Variants in OTC observed in about 807,000 individuals in gnomAD.
OTC encodes ornithine transcarbamylase, mitochondrial.
A neutral mutation model predicts 30.3 loss-of-function variants in OTC; 3 were observed. The ratio of observed to expected loss-of-function variants is 0.10; its 90% confidence interval spans 0.05 to 0.26. The LOEUF (loss-of-function observed/expected upper bound fraction) is 0.26. Among genes scored for constraint, OTC ranks in the 10% least tolerant of loss-of-function variants. The pLI, the probability that OTC is intolerant of heterozygous loss-of-function variation, is 1.00. For missense variants in OTC, 194 were observed against 260.3 expected, an observed-to-expected ratio of 0.75 and a Z score of 1.75; for synonymous variants, 111 against 99.7, an observed-to-expected ratio of 1.11 and a Z score of -0.67.
Position 38,416,365 on chromosome X carries a change from A to T in OTC, c.1005+4366A>T, listed in dbSNP as rs184740357. On this transcript the variant is annotated intron_variant, in intron 9 of 9. Transcript: ENST00000039007. ...AACAAAAATCACACTTTTCCTCCCC[A>T]TGAAGCTTGCTTTTGTATTTTTCAG... Among the ~76,000 whole-genome samples the T allele has an allele frequency of 2.4e-3, 262 of 111,449 alleles. 1 individual carries two copies. Among genetic ancestry groups the T allele is most frequent in the African/African-American group, 8.0e-3 (246 of 30,663 alleles).
chrX:38,405,031 G>A (rs2068509319), intron 6 of OTC, among the ~76,000 whole-genome samples: 1 of 111,410 alleles, frequency 9.0e-6, no homozygotes, highest in South Asian at 3.8e-4. Context: ...CTTTTGATGG[G>A]AAAAGCAGCC....
At chrX:38,404,950 A>G (rs753714838) in intron 6 of OTC, among the ~76,000 whole-genome samples, 1 of 111,716 alleles carries the variant, frequency 9.0e-6, no homozygotes, top group South Asian at 3.9e-4. Context: ...CTGGAGTGTA[A>G]GTTATGCCCT....
intron 4 of OTC, among the ~76,000 whole-genome samples, chrX:38,400,669 A>G (rs766107848): frequency 8.9e-6 from 1 of 112,335 alleles, no homozygotes; most frequent in Non-Finnish European, 1.9e-5. Flanking sequence ...CCTGTCACGC[A>G]GGAATGGCCC....
rs139809224 is a variant in OTC at position 38,416,049 on chromosome X, C to A, written c.1005+4050C>A. On this transcript the variant is annotated intron_variant, in intron 9 of 9. Coordinates refer to ENST00000039007, the MANE Select transcript of OTC (RefSeq NM_000531.6). ...GCACTACTCTAGGGAATAATTTCCA[C>A]GCATGCAACTTGATTTAAAATGAGG... Among the ~76,000 whole-genome samples the A allele has an allele frequency of 6.9e-3, 766 of 111,642 alleles. 13 individuals carry two copies. Among genetic ancestry groups the A allele is most frequent in the African/African-American group, 0.024 (734 of 30,738 alleles).
At chrX:38,414,033 A>C (rs1261591957) in intron 9 of OTC, among the ~76,000 whole-genome samples, 1 of 111,472 alleles carries the variant, frequency 9.0e-6, no homozygotes. Flanking sequence ...CCACATTTTG[A>C]GTAGCAAAGA....
intron 4 of OTC, among the ~76,000 whole-genome samples, chrX:38,394,522 G>A (rs983919474): frequency 9.0e-6 from 1 of 111,301 alleles, no homozygotes; most frequent in Admixed American, 9.6e-5. Flanking sequence ...CATCAGTCAA[G>A]TAATTCATTT....
At chrX:38,380,957 G>T (rs7061599) in intron 3 of OTC, among the ~76,000 whole-genome samples, 18,242 of 111,131 alleles carry the variant, frequency 0.16, 1,355 homozygotes, top group Middle Eastern at 0.25. Context: ...TTGAACTTCT[G>T]ACCTCAGGAG....
At chrX:38,420,135 A>C (rs1161712641) in intron 9 of OTC, among the ~76,000 whole-genome samples, 2 of 111,392 alleles carry the variant, frequency 1.8e-5, no homozygotes, top group East Asian at 5.6e-4. Flanking sequence ...TACAATTATA[A>C]TTTATCAATC....
At chrX:38,331,826 C>T in the OTC span, among the ~76,000 whole-genome samples, 9 of 111,130 alleles carry the variant, frequency 8.1e-5, no homozygotes, top group African/African-American at 3.0e-4. Context: ...AAGCAATCCG[C>T]CTACCTCAGC....
chrX:38,404,189 C>T (rs193184571), intron 6 of OTC, among the ~76,000 whole-genome samples: 2 of 112,390 alleles, frequency 1.8e-5, no homozygotes, highest in Non-Finnish European at 3.8e-5. Context: ...ATGGCATCTA[C>T]ACCAGCTTAG....
the OTC span, among the ~76,000 whole-genome samples, chrX:38,337,037 G>A: frequency 9.0e-6 from 1 of 111,330 alleles, no homozygotes; most frequent in South Asian, 3.8e-4. Context: ...TCGTTGGAAA[G>A]CCCCTTTATC....
At chrX:38,383,754 C>A (rs186374802) in intron 4 of OTC, among the ~76,000 whole-genome samples, 1 of 107,866 alleles carries the variant, frequency 9.3e-6, no homozygotes, top group Non-Finnish European at 1.9e-5. Flanking sequence ...GCCGAGATAG[C>A]GCCATTGCAC....
the OTC span, among the ~76,000 whole-genome samples, chrX:38,338,258 A>G: frequency 2.7e-5 from 3 of 112,290 alleles, no homozygotes; most frequent in Non-Finnish European, 5.6e-5. Flanking sequence ...GCTATTTGTT[A>G]TAAGAAATAG....
At chrX:38,341,407 A>G in the OTC span, among the ~76,000 whole-genome samples, 1 of 112,161 alleles carries the variant, frequency 8.9e-6, no homozygotes, top group African/African-American at 3.2e-5. Context: ...TGTTATTTTC[A>G]TATGGATTTT....
In OTC at chrX:38,366,789, A is replaced by G. The variant is rs752334918; in HGVS notation, c.78-502A>G. 2.7e-5 allele frequency among the ~76,000 whole-genome samples: 3 copies of G among 111,908 alleles called. No homozygotes were observed. The East Asian group carries it at 8.4e-4, about 31-fold the overall frequency. ...TCACAAATTCTTTTTTTTTCTGTCAAACATCCAAAATACTGGACATACAAA... is the reference window on the plus strand; with the variant it reads ...TCACAAATTCTTTTTTTTTCTGTCAGACATCCAAAATACTGGACATACAAA... On this transcript the variant is annotated intron_variant, in intron 1 of 9. Transcript: ENST00000039007.
the OTC span, among the ~76,000 whole-genome samples, chrX:38,345,721 A>C: frequency 6.4e-5 from 7 of 109,656 alleles, no homozygotes; most frequent in East Asian, 1.7e-3. Flanking sequence ...TTGTATCCTT[A>C]GTAGAGACAG....
downstream of OTC, among the ~76,000 whole-genome samples, chrX:38,422,484 G>A (rs2068600512): frequency 8.9e-6 from 1 of 111,854 alleles, no homozygotes. Flanking sequence ...AGAAAGAAGT[G>A]TTCTTCCACT....
At chrX:38,417,008 A>G (rs1428414771) in intron 9 of OTC, among the ~76,000 whole-genome samples, 1 of 111,998 alleles carries the variant, frequency 8.9e-6, no homozygotes, top group Non-Finnish European at 1.9e-5. Context: ...GTTGAGCAAG[A>G]TCTTCCCACA....
intron 9 of OTC, among the ~76,000 whole-genome samples, chrX:38,413,024 A>G (rs1158482089): frequency 3.6e-5 from 4 of 111,807 alleles, no homozygotes; most frequent in East Asian, 5.6e-4. Flanking sequence ...AGAAGATCCA[A>G]TCTCTCCGAA....
Sources: allele counts gnomAD v4.1 joint callset (sites outside exome capture counted in the v4.1 genomes callset), GRCh38; gene constraint gnomAD v4.1.1; transcripts MANE v1.5; gene names NCBI Gene and HGNC (gene_info 2026-07-23, HGNC 2026-07-21).